Variants in KLF8 observed in about 807,000 individuals in gnomAD.
KLF8 encodes the protein KLF transcription factor 8, also known as Krueppel-like factor 8.
KLF8 carries 10 observed loss-of-function variants against 18.2 expected under a neutral mutation model. The ratio of observed to expected loss-of-function variants is 0.55; its 90% CI spans 0.34 to 0.93. The LOEUF (loss-of-function observed/expected upper bound fraction) is 0.93, where lower values mean the gene tolerates loss of function less well. KLF8 is among the 40% of genes least tolerant of loss of function. The pLI, the probability that KLF8 is intolerant of heterozygous loss-of-function variation, is 0.02. For synonymous variants in KLF8, 109 were observed against 97.3 expected, an observed-to-expected ratio of 1.12 and a Z score of -0.71; for missense variants, 264 against 277.9, an observed-to-expected ratio of 0.95 and a Z score of 0.36.
At chrX:56,076,945 A>T in the KLF8 span, among the ~76,000 whole-genome samples, 1 of 111,851 alleles carries the variant, frequency 8.9e-6, no homozygotes, top group African/African-American at 3.3e-5. Context: ...TCTTCTTTTG[A>T]GAAGTGTCTG....
Position 56,290,185 on chromosome X carries a change from A to G in KLF8, c.*5691A>G, listed in dbSNP as rs2067308326. Among the ~76,000 whole-genome samples, 1 of 111,887 alleles carries G rather than the reference A, an allele frequency of 8.9e-6. No individual in the cohort carries two copies. On this transcript the variant is annotated 3_prime_UTR_variant, in exon 6 of 6. Coordinates refer to ENST00000468660, the MANE Select transcript of KLF8 (RefSeq NM_007250.5). ...TCACTTGGTTGACCTTAGGCAAGTCATATCACCTCTCTGTGCCTCAATTAA... is the reference window on the plus strand; with the variant it reads ...TCACTTGGTTGACCTTAGGCAAGTCGTATCACCTCTCTGTGCCTCAATTAA...
At chrX:56,069,644 C>T in the KLF8 span, among the ~76,000 whole-genome samples, 2 of 111,566 alleles carry the variant, frequency 1.8e-5, no homozygotes, top group Non-Finnish European at 3.8e-5. Flanking sequence ...CCCCTATTGC[C>T]CTGGAAACAC....
chrX:56,167,422 C>T, the KLF8 span, among the ~76,000 whole-genome samples: 2 of 112,204 alleles, frequency 1.8e-5, no homozygotes, highest in East Asian at 5.6e-4. Context: ...AGCCACCACG[C>T]CTGGCCCACA....
chrX:56,052,324 C>G, the KLF8 span, among the ~76,000 whole-genome samples: 2 of 112,374 alleles, frequency 1.8e-5, no homozygotes, highest in Non-Finnish European at 3.8e-5. Context: ...ACCTGTGTTC[C>G]TTTGGAGCAG....
At chrX:56,177,063 C>T in the KLF8 span, among the ~76,000 whole-genome samples, 4 of 111,137 alleles carry the variant, frequency 3.6e-5, no homozygotes, top group South Asian at 7.6e-4. Context: ...CTCTTTAGCT[C>T]GGAGTAGTTT....
the KLF8 span, among the ~76,000 whole-genome samples, chrX:56,165,303 G>A: frequency 8.9e-6 from 1 of 112,042 alleles, no homozygotes. Flanking sequence ...ACCAGGGGTG[G>A]AGGCAGTCCC....
chrX:56,105,080 C>T, the KLF8 span, among the ~76,000 whole-genome samples: 2 of 111,871 alleles, frequency 1.8e-5, no homozygotes, highest in African/African-American at 6.5e-5. Flanking sequence ...GTCTGAGAGA[C>T]AGTTTGTTGT....
the KLF8 span, among the ~76,000 whole-genome samples, chrX:56,157,051 G>T: frequency 4.8e-5 from 5 of 103,098 alleles, no homozygotes; most frequent in Non-Finnish European, 9.6e-5. Flanking sequence ...ATACTATGCA[G>T]CCATAAAAAA....
chrX:56,248,550 G>C (rs1371471625), intron 1 of KLF8, among the ~76,000 whole-genome samples: 1 of 111,590 alleles, frequency 9.0e-6, no homozygotes, highest in African/African-American at 3.3e-5. Context: ...ATTGGAGTTG[G>C]CTGTCTTAAG....
At chrX:56,278,723 G>C (rs1183338508) in intron 5 of KLF8, among the ~76,000 whole-genome samples, 1 of 111,156 alleles carries the variant, frequency 9.0e-6, no homozygotes, top group African/African-American at 3.3e-5. Context: ...TCATCACTAG[G>C]ACTCACCTAA....
At chrX:56,136,857 C>T in the KLF8 span, among the ~76,000 whole-genome samples, 93 of 110,051 alleles carry the variant, frequency 8.5e-4, no homozygotes, top group Non-Finnish European at 1.2e-3. Context: ...CCTACTCATC[C>T]GTCAAAGAGC....
the KLF8 span, among the ~76,000 whole-genome samples, chrX:55,933,098 C>T: frequency 1.8e-5 from 2 of 111,342 alleles, no homozygotes; most frequent in Non-Finnish European, 3.8e-5. Context: ...CTTAAGAAAC[C>T]TTTCCTTGTT....
chrX:56,023,262 T>C, the KLF8 span, among the ~76,000 whole-genome samples: 2 of 111,876 alleles, frequency 1.8e-5, no homozygotes, highest in Non-Finnish European at 3.8e-5. Context: ...ACAAAATATA[T>C]AAAACATACA....
the KLF8 span, among the ~76,000 whole-genome samples, chrX:56,001,973 T>G: frequency 8.9e-6 from 1 of 112,289 alleles, no homozygotes; most frequent in South Asian, 3.7e-4. Context: ...GTTTTTAGAA[T>G]GAAGTCCAGA....
At chrX:56,231,422 TG>T (rs757648162), upstream of KLF8, among the ~76,000 whole-genome samples, 3 of 111,981 alleles carry the variant, frequency 2.7e-5, no homozygotes, top group South Asian at 1.1e-3. Context: ...GGGTTGTTAT[TG>T]GGACTAAATG....
chrX:56,162,231 G>A, the KLF8 span, among the ~76,000 whole-genome samples: 8 of 112,080 alleles, frequency 7.1e-5, no homozygotes, highest in South Asian at 3.7e-4. Context: ...ACCCACTTGC[G>A]GAGGCAGTCT....
chrX:56,198,037 A>T, the KLF8 span, among the ~76,000 whole-genome samples: 2 of 112,243 alleles, frequency 1.8e-5, no homozygotes, highest in Admixed American at 1.9e-4. Flanking sequence ...AAAATTCAAC[A>T]GCCTTCCATG....
At chrX:56,229,530 T>C (rs2066387919), upstream of KLF8, among the ~76,000 whole-genome samples, 1 of 111,931 alleles carries the variant, frequency 8.9e-6, no homozygotes, top group East Asian at 2.8e-4. Flanking sequence ...CCATACCTGC[T>C]CCCTCACACC....
At chrX:56,043,451 A>C in the KLF8 span, among the ~76,000 whole-genome samples, 7 of 111,566 alleles carry the variant, frequency 6.3e-5, no homozygotes, top group African/African-American at 2.3e-4. Flanking sequence ...CAGGTACCCC[A>C]ATCAGTGATA....
Sources: gnomAD v4.1 joint callset for allele counts (sites outside exome capture counted in the v4.1 genomes callset) on GRCh38, gnomAD v4.1.1 for gene constraint, MANE v1.5 for transcripts, NCBI Gene and HGNC (gene_info 2026-07-23, HGNC 2026-07-21) for gene names.